NEO1: variants seen among roughly 807,000 people sequenced by gnomAD.
NEO1 encodes neogenin.
A neutral mutation model predicts 159.7 loss-of-function variants in NEO1; 63 were observed. The ratio of observed to expected loss-of-function variants is 0.39; its 90% CI spans 0.32 to 0.49. The LOEUF is 0.49. Ranked by LOEUF, NEO1 falls within the 20% of genes least tolerant of loss-of-function variation. The pLI is 0.85. For synonymous variants in NEO1, 633 were observed against 662.0 expected (o/e 0.96, Z 0.67); for missense variants, 1,615 against 1,831.0 (o/e 0.88, Z 2.15).
intron 1 of NEO1, among the ~76,000 whole-genome samples, chr15:73,092,955 A>C (rs934912006): frequency 4.6e-5 from 7 of 152,170 alleles, no homozygotes; most frequent in African/African-American, 1.7e-4. Flanking sequence ...TCTGTTCCAG[A>C]ATCCCATCCA....
At chr15:73,247,304 C>T (rs1269534758) in intron 9 of NEO1, among the ~76,000 whole-genome samples, 1 of 152,070 alleles carries the variant, frequency 6.6e-6, no homozygotes, top group Non-Finnish European at 1.5e-5. Context: ...AACATTTTTT[C>T]CATTTATTAT....
intron 23 of NEO1, among the ~76,000 whole-genome samples, chr15:73,284,559 A>G (rs1217660997): frequency 6.9e-6 from 1 of 145,424 alleles, no homozygotes; most frequent in African/African-American, 2.5e-5. Flanking sequence ...CCTTCTGACC[A>G]CTGCCTCTTA....
chr15:73,088,458 C>G (rs901294495), intron 1 of NEO1, among the ~76,000 whole-genome samples: 13 of 151,950 alleles, frequency 8.6e-5, no homozygotes, highest in African/African-American at 3.1e-4. Flanking sequence ...TGATATTTGA[C>G]CAGTTTTTAC....
rs375828942 is a variant in NEO1, at chr15:73,266,359, C to A, written c.2442C>A (p.Asn814Lys). Reference protein sequence around the residue: ...HYVITLKAFNNVGEGIPLYES... With the variant: ...HYVITLKAFNKVGEGIPLYES... ...TGATTACCCTGAAAGCATTTAATAACGTGGGTGAAGGCATCCCCCTGTATG... is the reference window on the plus strand; with the variant it reads ...TGATTACCCTGAAAGCATTTAATAAAGTGGGTGAAGGCATCCCCCTGTATG... The change falls in exon 16 of 29, where the codon AAC becomes AAA. Residue 814 changes from asparagine (N) to lysine (K), a missense_variant. Coordinates refer to ENST00000261908, the MANE Select transcript of NEO1 (RefSeq NM_002499.4). The A allele has an allele frequency of 6.2e-7, 1 of 1,613,482 alleles. No homozygotes were observed. The highest frequency in any genetic ancestry group is 1.3e-5 in the African/African-American group (1 of 74,844).
intron 7 of NEO1, among the ~76,000 whole-genome samples, chr15:73,189,124 A>G (rs145721908): frequency 2.6e-5 from 4 of 152,266 alleles, no homozygotes; most frequent in African/African-American, 7.2e-5. Flanking sequence ...AAACTTCATT[A>G]TTAGGCAAAA....
At chr15:73,244,954 C>CAAAAAAAA (rs57566986) in intron 9 of NEO1, among the ~76,000 whole-genome samples, 660 of 16,504 alleles carry the variant, frequency 0.04, 175 homozygotes, top group Non-Finnish European at 0.062. Context: ...GACTCTGTCT[C>CAAAAAAAA]AAAAAAAAAA....
chr15:73,112,401 T>C (rs1265304879), intron 1 of NEO1, among the ~76,000 whole-genome samples: 6 of 152,198 alleles, frequency 3.9e-5, no homozygotes, highest in Non-Finnish European at 7.4e-5. Flanking sequence ...CATTGTCTTT[T>C]GCTTTGTTAT....
At chr15:73,269,144 G>T (rs2041052566) in intron 16 of NEO1, among the ~76,000 whole-genome samples, 1 of 152,112 alleles carries the variant, frequency 6.6e-6, no homozygotes, top group African/African-American at 2.4e-5. Flanking sequence ...TTGACCCTTT[G>T]TGGGTATCAG....
chr15:73,128,736 G>T (rs1427036346), intron 4 of NEO1, among the ~76,000 whole-genome samples: 2 of 152,212 alleles, frequency 1.3e-5, no homozygotes, highest in African/African-American at 4.8e-5. Flanking sequence ...CAACGTGTTA[G>T]ATAATTGTTC....
In NEO1 at chr15:73,283,041, G is replaced by A. The variant is rs778709112; in HGVS notation, c.3340G>A (p.Val1114Ile). Residue 1114 changes from valine (V) to isoleucine (I), a missense_variant, in exon 23 of 29, where the codon GTC (valine) becomes ATC (isoleucine). By Grantham distance (29) the Val-to-Ile change is conservative (BLOSUM62 3). Coordinates refer to ENST00000261908, the MANE Select transcript of NEO1 (RefSeq NM_002499.4). ...GCTGGTCATAATTGTTTCTGTTGGC[G>A]TCATCACCATCGTGGTGGTTGTGAT... ...MLLVIIVSVG[V>I]ITIVVVVIIA... 3.0e-5 allele frequency: 49 copies of A among 1,613,994 alleles called. No individual in the cohort carries two copies. The highest frequency in any genetic ancestry group is 2.6e-4 in the South Asian group (24 of 91,076).
intron 1 of NEO1, among the ~76,000 whole-genome samples, chr15:73,080,511 A>G (rs1468626118): frequency 7.0e-6 from 1 of 143,066 alleles, no homozygotes; most frequent in African/African-American, 2.4e-5. Flanking sequence ...TGCAAAATTG[A>G]AAAATTTTTT....
intron 8 of NEO1, among the ~76,000 whole-genome samples, chr15:73,239,869 A>ACAC (rs2039401504): frequency 2.0e-5 from 3 of 152,260 alleles, no homozygotes; most frequent in Non-Finnish European, 4.4e-5. Flanking sequence ...CTGTCTGTAT[A>ACAC]TTTTGATGTG....
intron 1 of NEO1, among the ~76,000 whole-genome samples, chr15:73,083,471 A>G (rs1456010838): frequency 6.6e-6 from 1 of 152,068 alleles, no homozygotes; most frequent in Non-Finnish European, 1.5e-5. Flanking sequence ...GTCCTTAAAG[A>G]TAGAAAGTCG....
chr15:73,138,137 A>G (rs940990820), intron 5 of NEO1, among the ~76,000 whole-genome samples: 2 of 152,186 alleles, frequency 1.3e-5, no homozygotes. Flanking sequence ...ATAATTATAT[A>G]TACAGTAACG....
intron 7 of NEO1, among the ~76,000 whole-genome samples, chr15:73,179,787 T>A (rs930715061): frequency 2.6e-5 from 4 of 152,064 alleles, no homozygotes; most frequent in Admixed American, 1.3e-4. Context: ...TCCTGTTTTG[T>A]TGCAACAGCA....
chr15:73,094,985 C>T (rs964135200), intron 1 of NEO1, among the ~76,000 whole-genome samples: 5 of 152,076 alleles, frequency 3.3e-5, no homozygotes, highest in African/African-American at 4.8e-5. Flanking sequence ...CTGAGGCGGG[C>T]GGATCACGAG....
intron 13 of NEO1, among the ~76,000 whole-genome samples, chr15:73,256,443 T>C (rs1272193632): frequency 6.6e-6 from 1 of 152,158 alleles, no homozygotes; most frequent in Non-Finnish European, 1.5e-5. Flanking sequence ...GAGGCCGCAG[T>C]GAACTGAGAT....
chr15:73,289,883 G>C (rs1289411363), intron 25 of NEO1, among the ~76,000 whole-genome samples: 1 of 152,164 alleles, frequency 6.6e-6, no homozygotes, highest in Non-Finnish European at 1.5e-5. Context: ...CTGGGAAGCA[G>C]AGGTTGCAGT....
At chr15:73,190,251 G>A (rs1036076436) in intron 7 of NEO1, among the ~76,000 whole-genome samples, 6 of 152,046 alleles carry the variant, frequency 3.9e-5, no homozygotes, top group South Asian at 2.1e-4. Flanking sequence ...AATAGATTGC[G>A]AAATTATCAT....
Sources: allele counts gnomAD v4.1 joint callset (sites outside exome capture counted in the v4.1 genomes callset), GRCh38; gene constraint gnomAD v4.1.1; transcripts MANE v1.5; gene names NCBI Gene and HGNC (gene_info 2026-07-23, HGNC 2026-07-21).